The following MASTL variants were observed in gnomAD, a reference collection of about 807,000 sequenced individuals.
The protein encoded by MASTL is microtubule associated serine/threonine kinase like.
A neutral mutation model predicts 82.5 loss-of-function variants in MASTL; 54 were observed. The observed-to-expected ratio is 0.65, with a 90% CI of 0.53 to 0.82. MASTL has a LOEUF of 0.82. Ranked by LOEUF, MASTL falls within the 40% of genes least tolerant of loss-of-function variation. The pLI is 0.00. For missense variants in MASTL, 950 were observed against 1,047.8 expected (o/e 0.91, Z 1.29); for synonymous variants, 323 against 368.9 (o/e 0.88, Z 1.43).
chr10:27,180,960 G>A lies in MASTL; in HGVS notation c.2274G>A (p.Ala758=), dbSNP rs778018537. ...ELLLGRAHGP[A]VDWWALGVCL... ...TTTCCTCTTCGATTACAGGTCCTGC[G>A]GTAGACTGGTGGGCACTTGGAGTTT... The change falls in exon 10 of 12, where the codon GCG becomes GCA. Residue 758 remains alanine, a synonymous_variant. Coordinates refer to ENST00000375940, the MANE Select transcript of MASTL (RefSeq NM_001172303.3). 9 of 1,607,008 alleles carry A rather than the reference G, an allele frequency of 5.6e-6. No individual in the cohort carries two copies. The highest frequency in any genetic ancestry group is 3.3e-5 in the South Asian group (3 of 90,946).
At chr10:27,169,078 T>G (rs2057833288) in intron 7 of MASTL, among the ~76,000 whole-genome samples, 1 of 152,186 alleles carries the variant, frequency 6.6e-6, no homozygotes, top group Non-Finnish European at 1.5e-5. Flanking sequence ...TCAGTTCATC[T>G]TGTTGACAAT....
intron 3 of MASTL, among the ~76,000 whole-genome samples, chr10:27,160,811 G>C (rs750101046): frequency 4.6e-5 from 7 of 151,644 alleles, no homozygotes; most frequent in Non-Finnish European, 8.8e-5. Context: ...GCTTGAGGTT[G>C]ATTTTATCTA....
intron 9 of MASTL, among the ~76,000 whole-genome samples, chr10:27,178,424 G>C (rs1392147113): frequency 1.4e-5 from 2 of 147,774 alleles, no homozygotes; most frequent in African/African-American, 4.9e-5. Flanking sequence ...GACAACTACA[G>C]AAGGGCTCTA....
intron 11 of MASTL, among the ~76,000 whole-genome samples, 191 bp downstream of exon 11, chr10:27,181,772 C>G (rs1382489120): frequency 6.6e-6 from 1 of 152,012 alleles, no homozygotes; most frequent in Non-Finnish European, 1.5e-5. Flanking sequence ...AAGCCCATCT[C>G]TACTAAAAAA....
chr10:27,180,776 C>T (rs1057380233), intron 9 of MASTL, among the ~76,000 whole-genome samples, 177 bp from the exon 10 acceptor site: 3 of 152,180 alleles, frequency 2.0e-5, no homozygotes, highest in African/African-American at 4.8e-5. Flanking sequence ...GAGGGCTGTG[C>T]GTCCTGGACC....
intron 6 of MASTL, 31 bp from the exon 7 acceptor site, chr10:27,167,071 C>T (rs2057764347): frequency 6.3e-7 from 1 of 1,577,940 alleles, no homozygotes. Context: ...AAAGCTGTAA[C>T]ATGGAATTCA....
intron 6 of MASTL, among the ~76,000 whole-genome samples, chr10:27,166,330 A>C (rs1050791354): frequency 6.6e-6 from 1 of 152,368 alleles, no homozygotes; most frequent in East Asian, 1.9e-4. Context: ...TACAAGTTGA[A>C]TTAAATACAA....
At position 27,180,311 on chromosome 10, in the gene MASTL, G is replaced by T. The variant is rs2058230701; in HGVS notation, c.2267-642G>T. On this transcript the variant is annotated intron_variant, in intron 9 of 11. Transcript: ENST00000375940. ...CTTGCTAGAGATGTTACAGGGCGGT[G>T]CTTGTCCCGGAGAAGGCCGCATGCT... Among the ~76,000 whole-genome samples, 6 of 152,392 alleles carry T rather than the reference G, an allele frequency of 3.9e-5. No individual in the cohort carries two copies. In the South Asian group the frequency reaches 1.2e-3, roughly 32 times the overall value.
chr10:27,174,362 A>AT (rs1207385704), intron 9 of MASTL, among the ~76,000 whole-genome samples: 68 of 151,994 alleles, frequency 4.5e-4, no homozygotes, highest in Non-Finnish European at 2.9e-5. Flanking sequence ...CTAAAAAAAA[A>AT]TAAAAATAAA....
chr10:27,170,973 A>G lies in MASTL; in HGVS notation c.2014A>G (p.Arg672Gly). Residue 672 changes from arginine to glycine, a missense_variant, in exon 8 of 12, where the codon AGA becomes GGA. Arg to Gly is a moderately radical substitution (Grantham distance 125). Coordinates refer to ENST00000375940, the MANE Select transcript of MASTL (RefSeq NM_001172303.3). The part of the protein sequence containing the change: ...INASNNSEPS[R>G]MNMTSLDAMD... ...TGCATCCAATAACTCAGAACCATCC[A>G]GAATGAACATGACTTCTTTAGATGC... The G allele has an allele frequency of 6.2e-7, 1 of 1,614,172 alleles. No individual in the cohort carries two copies. Among genetic ancestry groups the G allele is most frequent in the Non-Finnish European group, 8.5e-7 (1 of 1,179,984 alleles).
chr10:27,181,460 TTGTATA>T lies in MASTL; in HGVS notation c.2381-13_2381-8del, dbSNP rs1406431502. The T allele has an allele frequency of 4.0e-6, 6 of 1,508,504 alleles. No individual in the cohort carries two copies. The African/African-American group carries it at 5.5e-5, about 14-fold the overall frequency. The allele number at this position is 1,508,504 out of a possible 1,614,324, so 93.4% of individuals were successfully genotyped here. A position where few individuals can be genotyped will look rare whatever the true frequency, so the allele number is the denominator to read the frequency against. ...TTTGAGCAGTAATAAACAAGTTTATTTGTATATGTATAATTTTAGATATCCCTTGGC... is the reference window on the plus strand; with the variant it reads ...TTTGAGCAGTAATAAACAAGTTTATTTGTATAATTTTAGATATCCCTTGGC... On this transcript the variant is annotated splice_polypyrimidine_tract_variant and intron_variant, in intron 10 of 11. Coordinates refer to ENST00000375940, the MANE Select transcript of MASTL (RefSeq NM_001172303.3).
Position 27,179,150 on chromosome 10 carries a change from G to T in MASTL, c.2267-1803G>T, listed in dbSNP as rs537679045. ...ATGCCTATTCTTAATTTATATTGAAGTTATCCATTTTTGAACTAAAATTAA... is the reference window on the plus strand; with the variant it reads ...ATGCCTATTCTTAATTTATATTGAATTTATCCATTTTTGAACTAAAATTAA... On this transcript the variant is annotated intron_variant, in intron 9 of 11. Transcript: ENST00000375940. 1.2e-3 allele frequency among the ~76,000 whole-genome samples: 181 copies of T among 152,210 alleles called. 3 individuals carry two copies. The South Asian group carries it at 0.017, about 14-fold the overall frequency.
At chr10:27,182,626 T>C (rs1265264895) in intron 11 of MASTL, among the ~76,000 whole-genome samples, 1 of 151,950 alleles carries the variant, frequency 6.6e-6, no homozygotes, top group Non-Finnish European at 1.5e-5. Flanking sequence ...CACCTGTAGT[T>C]CCAGCTACTT....
rs1181075326 is a variant in MASTL at position 27,170,633 on chromosome 10, TG to T, written c.1675del (p.Asp559IlefsTer9). On this transcript the variant is annotated frameshift_variant, in exon 8 of 12. Transcript: ENST00000375940. LOFTEE classifies it high-confidence loss of function. ...LSSSFLCSDD[D>X]RASKNISMNS... ...GTTCTAGTTTTCTATGTTCTGATGA[TG>T]ATAGAGCTTCTAAAAATATTTCTAT... The T allele has an allele frequency of 1.2e-6, 2 of 1,607,554 alleles. No individual in the cohort carries two copies. The highest frequency in any genetic ancestry group is 3.4e-5 in the Admixed American group (2 of 58,652).
At chr10:27,175,767 G>A (rs530872273) in intron 9 of MASTL, among the ~76,000 whole-genome samples, 51 of 152,228 alleles carry the variant, frequency 3.4e-4, no homozygotes, top group Non-Finnish European at 6.6e-4. Flanking sequence ...TGGCTATTCA[G>A]TATTCTACTG....
At position 27,170,454 on chromosome 10, in the gene MASTL, C is replaced by A; in HGVS notation, c.1495C>A (p.Gln499Lys). ...QDLKLSVHKSQQNDCANKENI... is the reference protein window; with the variant it reads ...QDLKLSVHKSKQNDCANKENI... ...CCTTAAGCTATCAGTGCACAAAAGTCAACAAAATGACTGTGCTAATAAGGA... is the reference window on the plus strand; with the variant it reads ...CCTTAAGCTATCAGTGCACAAAAGTAAACAAAATGACTGTGCTAATAAGGA... The change falls in exon 8 of 12, where the codon CAA (glutamine) becomes AAA (lysine). Residue 499 changes from glutamine (Q) to lysine (K), a missense_variant. Physicochemically the swap from Gln to Lys is moderately conservative, Grantham distance 53 (BLOSUM62 1). Transcript: ENST00000375940. The A allele has an allele frequency of 1.9e-6, 3 of 1,613,984 alleles. No homozygotes were observed. The highest frequency in any genetic ancestry group is 2.2e-5 in the South Asian group (2 of 91,046).
At chr10:27,181,421 C>G in intron 10 of MASTL, 59 bp from the exon 11 acceptor site, 1 of 1,252,074 alleles carries the variant, frequency 8.0e-7, no homozygotes, top group African/African-American at 1.5e-5. Context: ...TCATTTATCT[C>G]TGGATACTAT....
rs750788764 is a variant in MASTL at position 27,158,674 on chromosome 10, C to T, written c.312C>T (p.Asn104=). ...TGTATTATTCACTGCAGTCTGCAAA[C>T]AATGTCTACTTGGTGAGTAAATAAT... is the stretch of plus-strand genomic sequence containing the variant. ...VHLYYSLQSA[N]NVYLVMEYLI... is the part of the protein sequence containing the mutation. The change falls in exon 2 of 12, where the codon AAC becomes AAT. Residue 104 remains asparagine, a synonymous_variant. Transcript: ENST00000375940. 3.2e-5 allele frequency: 51 copies of T among 1,613,916 alleles called. No homozygotes were observed. The highest frequency in any genetic ancestry group is 1.6e-4 in the Middle Eastern group (1 of 6,084).
rs1296756586 is a variant in MASTL at position 27,186,960 on chromosome 10, C to CAT, written c.*424_*425insAT. 1 of 243,652 alleles carries CAT rather than the reference C, an allele frequency of 4.1e-6. No individual in the cohort carries two copies. The allele number at this position is 243,652 out of a possible 1,614,324, so 15.1% of individuals were successfully genotyped here. On this transcript the variant is annotated 3_prime_UTR_variant, in exon 12 of 12. Transcript: ENST00000375940. ...ACTTGCATATGATTACCTTCAAAAG[C>CAT]TGTGTTCTTGAGGGCAATCATTTAA...
Sources: allele counts gnomAD v4.1 joint callset (sites outside exome capture counted in the v4.1 genomes callset), GRCh38; gene constraint gnomAD v4.1.1; transcripts MANE v1.5; gene names NCBI Gene and HGNC (gene_info 2026-07-23, HGNC 2026-07-21).